SLC9A9: variants seen among roughly 807,000 people sequenced by gnomAD.
The protein encoded by SLC9A9 is solute carrier family 9 member A9, also known as sodium/hydrogen exchanger 9.
In SLC9A9, 62 loss-of-function variants were observed where a neutral mutation model predicts 77.8. The ratio of observed to expected loss-of-function variants is 0.80; its 90% CI spans 0.65 to 0.98. The LOEUF (loss-of-function observed/expected upper bound fraction) is 0.98. SLC9A9 is among the 50% of genes least tolerant of loss of function. The pLI is 0.00. For missense variants in SLC9A9, 775 were observed against 774.9 expected (o/e 1.00, Z 0.00); for synonymous variants, 320 against 283.5 (o/e 1.13, Z -1.29).
chr3:143,560,527 C>T (rs1317957639), intron 8 of SLC9A9, among the ~76,000 whole-genome samples: 1 of 151,648 alleles, frequency 6.6e-6, no homozygotes, highest in Non-Finnish European at 1.5e-5. Context: ...CCTAGCTTTC[C>T]AGAATTGACA....
At chr3:143,514,851 CT>C (rs1235199744) in intron 9 of SLC9A9, among the ~76,000 whole-genome samples, 2 of 151,924 alleles carry the variant, frequency 1.3e-5, no homozygotes, top group East Asian at 1.9e-4. Flanking sequence ...GACTGTTTTG[CT>C]TTTTTTTGTT....
intron 2 of SLC9A9, among the ~76,000 whole-genome samples, chr3:143,807,777 C>T (rs184369942): frequency 1.3e-5 from 2 of 152,120 alleles, no homozygotes; most frequent in African/African-American, 4.8e-5. Context: ...AAGGCAACAG[C>T]TGTGTGTGTT....
Position 143,495,461 on chromosome 3 carries a change from A to G in SLC9A9, c.1090-13T>C. ...TAAATTCAAACAACTGAAACAAAAC[A>G]TAAAACAAAAAACCATTAATTATAA... On this transcript the variant is annotated splice_polypyrimidine_tract_variant and intron_variant, in intron 9 of 15. Transcript: ENST00000316549. 1.3e-6 allele frequency: 2 copies of G among 1,590,212 alleles called. No homozygotes were observed. Among genetic ancestry groups the G allele is most frequent in the Admixed American group, 1.7e-5 (1 of 59,958 alleles).
At chr3:143,446,350 T>G (rs2034842363) in intron 12 of SLC9A9, among the ~76,000 whole-genome samples, 1 of 152,056 alleles carries the variant, frequency 6.6e-6, no homozygotes, top group Admixed American at 6.6e-5. Context: ...TTCTGACTGT[T>G]TCTATTCTCT....
chr3:143,274,331 C>T (rs553666931), intron 14 of SLC9A9, among the ~76,000 whole-genome samples: 19 of 152,300 alleles, frequency 1.2e-4, no homozygotes, highest in Non-Finnish European at 2.4e-4. Flanking sequence ...TCTCTTTACA[C>T]TTGTAATTGG....
At chr3:143,669,619 G>C (rs1015425706) in intron 5 of SLC9A9, among the ~76,000 whole-genome samples, 2 of 152,186 alleles carry the variant, frequency 1.3e-5, no homozygotes, top group Non-Finnish European at 2.9e-5. Context: ...TCTGAAGCAA[G>C]ACCTTTGTGC....
chr3:143,284,686 A>G (rs1462046045), intron 14 of SLC9A9, among the ~76,000 whole-genome samples: 1 of 152,224 alleles, frequency 6.6e-6, no homozygotes, highest in Non-Finnish European at 1.5e-5. Flanking sequence ...GGATCTTATG[A>G]GATTTCCACT....
At position 143,561,976 on chromosome 3, in the gene SLC9A9, C is replaced by T. The variant is rs532032161; in HGVS notation, c.1001-9526G>A. 3.9e-5 allele frequency among the ~76,000 whole-genome samples: 6 copies of T among 152,318 alleles called. 1 individual carries two copies. The highest frequency in any genetic ancestry group is 1.4e-4 in the African/African-American group (6 of 41,574). ...AGGAAAGCAGGTAGATATGTGCTTGCTATTCCTAGTAATCTAAACTTAGAC... is the reference window on the plus strand; with the variant it reads ...AGGAAAGCAGGTAGATATGTGCTTGTTATTCCTAGTAATCTAAACTTAGAC... On this transcript the variant is annotated intron_variant, in intron 8 of 15. Transcript: ENST00000316549.
intron 12 of SLC9A9, among the ~76,000 whole-genome samples, chr3:143,384,006 T>C (rs1048960759): frequency 2.6e-5 from 4 of 152,208 alleles, no homozygotes; most frequent in South Asian, 2.1e-4. Flanking sequence ...AACAAATTAA[T>C]AGCTATTTAT....
intron 4 of SLC9A9, among the ~76,000 whole-genome samples, chr3:143,794,646 T>C (rs2008323114): frequency 6.6e-6 from 1 of 152,164 alleles, no homozygotes; most frequent in African/African-American, 2.4e-5. Context: ...TCCTGCCAAA[T>C]ACAGGTAAGG....
chr3:143,440,913 G>T (rs1005005423), intron 12 of SLC9A9, among the ~76,000 whole-genome samples: 1 of 152,160 alleles, frequency 6.6e-6, no homozygotes, highest in African/African-American at 2.4e-5. Flanking sequence ...CTGTTCTTCA[G>T]AATTCTATTT....
chr3:143,408,284 G>A (rs2108517549), intron 12 of SLC9A9, among the ~76,000 whole-genome samples: 1 of 152,220 alleles, frequency 6.6e-6, no homozygotes, highest in East Asian at 1.9e-4. Flanking sequence ...AAACTCTTAG[G>A]TGATTTGGAT....
In SLC9A9 at chr3:143,669,909, C is replaced by T. The variant is rs115323882; in HGVS notation, c.650-17549G>A. Among the ~76,000 whole-genome samples, 636 of 152,284 alleles carry T rather than the reference C, an allele frequency of 4.2e-3. 6 individuals are homozygous for T. The highest frequency in any genetic ancestry group is 0.015 in the African/African-American group (603 of 41,558). On this transcript the variant is annotated intron_variant, in intron 5 of 15. Coordinates refer to ENST00000316549, the MANE Select transcript of SLC9A9 (RefSeq NM_173653.4). ...GTAAGTGCTTCATCAGTGGTGGTTACTGTATTGTTATTGTTCATGCCATCA... is the reference window on the plus strand; with the variant it reads ...GTAAGTGCTTCATCAGTGGTGGTTATTGTATTGTTATTGTTCATGCCATCA...
chr3:143,382,101 G>A lies in SLC9A9; in HGVS notation c.1483C>T (p.Leu495=). The stretch of plus-strand genomic sequence containing the variant: ...GGGTCCTCCTTCAGATTTTCATCCA[G>A]GTCCACGCCAACTCTGTTAAACAAA... The part of the protein sequence containing the change: ...TWLQIRVGVD[L]DENLKEDPSS... Residue 495 remains leucine, a synonymous_variant, in exon 13 of 16, where the codon CTG becomes TTG. Coordinates refer to ENST00000316549, the MANE Select transcript of SLC9A9 (RefSeq NM_173653.4). 1 of 1,614,070 alleles carries A rather than the reference G, an allele frequency of 6.2e-7. No homozygotes were observed. The highest frequency in any genetic ancestry group is 1.1e-5 in the South Asian group (1 of 91,076).
chr3:143,671,947 A>C (rs980177210), intron 5 of SLC9A9, among the ~76,000 whole-genome samples: 1 of 152,210 alleles, frequency 6.6e-6, no homozygotes. Flanking sequence ...ATACCAATGC[A>C]ATCTTTCTCT....
chr3:143,368,663 G>T (rs530777029), intron 13 of SLC9A9, among the ~76,000 whole-genome samples: 1 of 152,276 alleles, frequency 6.6e-6, no homozygotes, highest in East Asian at 1.9e-4. Context: ...TGGGCTCCAA[G>T]GAACTTTTTA....
intron 14 of SLC9A9, among the ~76,000 whole-genome samples, chr3:143,337,178 G>C (rs1419931836): frequency 6.6e-6 from 1 of 151,932 alleles, no homozygotes; most frequent in African/African-American, 2.4e-5. Flanking sequence ...CTATTAAATT[G>C]CTTGCTCAAT....
intron 6 of SLC9A9, among the ~76,000 whole-genome samples, chr3:143,607,669 GAAC>G (rs1344464268): frequency 4.0e-5 from 6 of 151,768 alleles, no homozygotes; most frequent in East Asian, 3.9e-4. Context: ...CATAGTAATA[GAAC>G]AACAACAACA....
At chr3:143,821,869 G>T (rs1167674127) in intron 2 of SLC9A9, among the ~76,000 whole-genome samples, 1 of 152,184 alleles carries the variant, frequency 6.6e-6, no homozygotes. Flanking sequence ...CTGTTCTCAG[G>T]TTTAAAATCT....
Sources: gnomAD v4.1 joint callset for allele counts (sites outside exome capture counted in the v4.1 genomes callset) on GRCh38, gnomAD v4.1.1 for gene constraint, MANE v1.5 for transcripts, NCBI Gene and HGNC (gene_info 2026-07-23, HGNC 2026-07-21) for gene names.